The following HMCN2 variants were observed in gnomAD, a reference collection of about 807,000 sequenced individuals.
HMCN2 encodes the protein hemicentin 2.
A neutral mutation model predicts 377.5 loss-of-function variants in HMCN2; 325 were observed. The observed-to-expected ratio is 0.86, with a 90% CI of 0.79 to 0.94. HMCN2 has a LOEUF of 0.94. HMCN2 is among the 40% of genes least tolerant of loss of function. HMCN2 has a pLI of 0.00. For missense variants in HMCN2, 4,543 were observed against 4,725.3 expected (o/e 0.96, Z 1.13); for synonymous variants, 2,007 against 2,046.8 (o/e 0.98, Z 0.53).
intron 4 of HMCN2, among the ~76,000 whole-genome samples, chr9:130,288,689 G>T (rs1554928901): frequency 6.6e-6 from 1 of 152,166 alleles, no homozygotes; most frequent in East Asian, 1.9e-4. Flanking sequence ...CTCCTGCCCC[G>T]GGCCAGGTGC....
intron 76 of HMCN2, chr9:130,400,124 A>G (rs966202630): frequency 6.6e-6 from 1 of 152,374 alleles, no homozygotes; most frequent in African/African-American, 2.4e-5. Flanking sequence ...CACTCAGCAA[A>G]CACCTGCTTT....
Position 130,351,358 on chromosome 9 carries a change from G to C in HMCN2, c.4431-65G>C. 1.7e-6 allele frequency: 2 copies of C among 1,205,608 alleles called. No homozygotes were observed. Among genetic ancestry groups the C allele is most frequent in the Non-Finnish European group, 2.2e-6 (2 of 920,284 alleles). The allele number at this position is 1,205,608 out of a possible 1,614,324, so 74.7% of individuals were successfully genotyped here. ...GCTTTTTACAAGCCACACACTCCCT[G>C]TGTGCAGCGTGTCCCATCCAGCCCC... is the stretch of plus-strand genomic sequence containing the variant. On this transcript the variant is annotated intron_variant, in intron 29 of 97. Transcript: ENST00000683500. The surrounding 1 kb of genome is among the most constrained non-coding windows in gnomAD (Gnocchi z 5.4).
At chr9:130,288,500 C>T (rs575053906) in intron 4 of HMCN2, among the ~76,000 whole-genome samples, 3 of 152,322 alleles carry the variant, frequency 2.0e-5, no homozygotes, top group Non-Finnish European at 4.4e-5. Flanking sequence ...CTGCGGTCAC[C>T]CTCCCAGGAG....
At chr9:130,415,316 A>T (rs1221981907) in intron 85 of HMCN2, among the ~76,000 whole-genome samples, 1 of 152,252 alleles carries the variant, frequency 6.6e-6, no homozygotes, top group Non-Finnish European at 1.5e-5. Context: ...GAGATAGCAC[A>T]GATGTTTGAG....
chr9:130,283,553 C>T (rs1835256878), intron 1 of HMCN2, among the ~76,000 whole-genome samples: 1 of 152,176 alleles, frequency 6.6e-6, no homozygotes, highest in Admixed American at 6.5e-5. Context: ...ATTCCTATCA[C>T]AATATAGAAT....
chr9:130,394,396 A>G lies in HMCN2; in HGVS notation c.10513A>G (p.Ile3505Val), dbSNP rs917326228. The part of the protein sequence containing the change: ...FQLTVMEPPH[I>V]EDSGQPTELS... ...ATGGTGGCTTGCAGAGCCCCCTCACATTGAGGACTCAGGCCAGCCTACAGA... is the reference window on the plus strand; with the variant it reads ...ATGGTGGCTTGCAGAGCCCCCTCACGTTGAGGACTCAGGCCAGCCTACAGA... Residue 3505 changes from isoleucine (I) to valine (V), a missense_variant, in exon 69 of 98, where the codon ATT (isoleucine) becomes GTT (valine). Transcript: ENST00000683500. This position sits in a 1 kb window ranked among gnomAD's most constrained non-coding sequence, Gnocchi z 5.1. 6 of 1,289,346 alleles carry G rather than the reference A, an allele frequency of 4.7e-6. No homozygotes were observed. The South Asian group carries it at 4.9e-5, about 11-fold the overall frequency. 79.9% of individuals were successfully genotyped at this position (1,289,346 alleles called of 1,614,324 possible).
chr9:130,288,632 G>A lies in HMCN2; in HGVS notation c.612+2322G>A, dbSNP rs1410918762. 2.0e-5 allele frequency among the ~76,000 whole-genome samples: 3 copies of A among 152,356 alleles called. No individual in the cohort carries two copies. In the East Asian group the frequency reaches 5.8e-4, roughly 29 times the overall value. On this transcript the variant is annotated intron_variant, in intron 4 of 97. Coordinates refer to ENST00000683500, the MANE Select transcript of HMCN2 (RefSeq NM_001291815.2). ...CTTTTACCTCTTCAGAGTGCATCCA[G>A]TGCAGCCCAAGAGGCGTCATGCATT...
chr9:130,406,125 C>T lies in HMCN2; in HGVS notation c.12510C>T (p.Pro4170=). The T allele has an allele frequency of 7.8e-7, 1 of 1,289,868 alleles. No homozygotes were observed. The highest frequency in any genetic ancestry group is 1.0e-6 in the Non-Finnish European group (1 of 988,882). 79.9% of individuals were successfully genotyped at this position (1,289,868 alleles called of 1,614,324 possible). The stretch of plus-strand genomic sequence containing the variant: ...TTCGCTGTGCAGCCCGGGGCAGCCC[C>T]ACCCCTCGCATTGGCTGGACTGTCA... ...LWLRCAARGS[P]TPRIGWTVND... The change falls in exon 82 of 98, where the codon CCC becomes CCT. Residue 4170 remains proline, a synonymous_variant. Coordinates refer to ENST00000683500, the MANE Select transcript of HMCN2 (RefSeq NM_001291815.2).
chr9:130,363,919 A>G (rs552175441), intron 40 of HMCN2, among the ~76,000 whole-genome samples: 12 of 49,564 alleles, frequency 2.4e-4, no homozygotes, highest in African/African-American at 4.4e-4. Flanking sequence ...AAGAAAAAGA[A>G]AGGAAAAAGA....
At chr9:130,266,549 A>T (rs781882490) in intron 1 of HMCN2, among the ~76,000 whole-genome samples, 4 of 152,198 alleles carry the variant, frequency 2.6e-5, no homozygotes, top group African/African-American at 9.6e-5. Context: ...CCTTTGGCCA[A>T]TTCTTAGAAT....
Position 130,303,389 on chromosome 9 carries a change from G to T in HMCN2, c.1422-98G>T. 1 of 328,968 alleles carries T rather than the reference G, an allele frequency of 3.0e-6. No homozygotes were observed. The allele number at this position is 328,968 out of a possible 1,614,324, so 20.4% of individuals were successfully genotyped here. A position where few individuals can be genotyped will look rare whatever the true frequency, so the allele number is the denominator to read the frequency against. Reference sequence around the variant, plus strand: ...TTACCGCATCTCACAGAGGAATTGGGGTCTCTCGTTTGGGCAGGATTCAGG... The same window carrying T: ...TTACCGCATCTCACAGAGGAATTGGTGTCTCTCGTTTGGGCAGGATTCAGG... On this transcript the variant is annotated intron_variant, in intron 9 of 97. Transcript: ENST00000683500. This position sits in a 1 kb window ranked among gnomAD's most constrained non-coding sequence, Gnocchi z 5.2.
rs73549544 is a variant in HMCN2, at chr9:130,351,937, G to A, written c.4585+360G>A. 0.27 allele frequency among the ~76,000 whole-genome samples: 41,109 copies of A among 151,662 alleles called. 5,938 individuals carry two copies. Among genetic ancestry groups the A allele is most frequent in the East Asian group, 0.41 (2,125 of 5,158 alleles). ...AGTGATTCTCTTGCCTCAGCCTCCC[G>A]AGTAGCTGGGATTACAGGTGCCCAC... On this transcript the variant is annotated intron_variant, in intron 30 of 97. Transcript: ENST00000683500. The surrounding 1 kb of genome is among the most constrained non-coding windows in gnomAD (Gnocchi z 5.4).
chr9:130,352,326 G>T (rs945578879), intron 30 of HMCN2, among the ~76,000 whole-genome samples: 1 of 152,226 alleles, frequency 6.6e-6, no homozygotes. Context: ...TTCTCGAGGC[G>T]TGGACTCCGC....
chr9:130,359,879 G>A (rs1011931873), intron 37 of HMCN2, among the ~76,000 whole-genome samples: 4 of 152,154 alleles, frequency 2.6e-5, no homozygotes, highest in South Asian at 2.1e-4. Flanking sequence ...TTGCCTGTGA[G>A]CCCTGGGGAT....
At position 130,395,225 on chromosome 9, in the gene HMCN2, G is replaced by A; in HGVS notation, c.10789G>A (p.Val3597Ile). 1.6e-6 allele frequency: 2 copies of A among 1,288,736 alleles called. No individual in the cohort carries two copies. Among genetic ancestry groups the A allele is most frequent in the Non-Finnish European group, 2.0e-6 (2 of 988,418 alleles). 79.8% of individuals were successfully genotyped at this position (1,288,736 alleles called of 1,614,324 possible). A position where few individuals can be genotyped will look rare whatever the true frequency, so the allele number is the denominator to read the frequency against. The change falls in exon 71 of 98, where the codon GTT becomes ATT. Residue 3597 changes from valine to isoleucine, a missense_variant. This residue lies in a region of HMCN2 where 1,073 missense variants were observed against 1,319.5 expected (regional missense o/e 0.81). Coordinates refer to ENST00000683500, the MANE Select transcript of HMCN2 (RefSeq NM_001291815.2). ...RVRVQAPPNI[V>I]GPRGPRFVVG... ...CCCCTTCCCAGCCCCTCCAAACATT[G>A]TTGGGCCCCGAGGCCCCCGCTTTGT...
chr9:130,273,435 T>G (rs1241838576), intron 1 of HMCN2, among the ~76,000 whole-genome samples: 1 of 152,230 alleles, frequency 6.6e-6, no homozygotes, highest in Non-Finnish European at 1.5e-5. Flanking sequence ...TTTGTATTAT[T>G]TATCAGCAAA....
intron 23 of HMCN2, among the ~76,000 whole-genome samples, chr9:130,339,885 C>G (rs1838957003): frequency 6.6e-6 from 1 of 152,166 alleles, no homozygotes; most frequent in African/African-American, 2.4e-5. Context: ...CCTCGAGGGT[C>G]CAGGACACTT....
intron 92 of HMCN2, 82 bp downstream of exon 92, chr9:130,427,701 C>T: frequency 2.7e-6 from 4 of 1,458,838 alleles, no homozygotes; most frequent in Non-Finnish European, 3.6e-6. Flanking sequence ...AGGGCCAGGA[C>T]CCTGGCTGGG....
intron 56 of HMCN2, 125 bp downstream of exon 56, chr9:130,382,991 CAG>C: frequency 1.9e-6 from 1 of 540,326 alleles, no homozygotes; most frequent in Non-Finnish European, 2.4e-6. Flanking sequence ...TGCTGGAGCC[CAG>C]CCAAGAATCA....
Sources: allele counts gnomAD v4.1 joint callset (sites outside exome capture counted in the v4.1 genomes callset), GRCh38; gene constraint gnomAD v4.1.1; regional missense constraint gnomAD v4.1.1; non-coding constraint Gnocchi (gnomAD v3.1); transcripts MANE v1.5; gene names NCBI Gene and HGNC (gene_info 2026-07-23, HGNC 2026-07-21).